The following ATG7 variants were observed in gnomAD, a reference collection of about 807,000 sequenced individuals.
ATG7 encodes autophagy related 7.
In ATG7, 70 loss-of-function variants were observed where a neutral mutation model predicts 82.4. That is an observed-to-expected ratio of 0.85 (90% CI 0.70 to 1.04). ATG7 has a LOEUF of 1.04. Among genes scored for constraint, ATG7 ranks in the 50% least tolerant of loss-of-function variants. The probability of loss-of-function intolerance (pLI) is 0.00; values close to 1 mark genes in which losing one functional copy is unlikely to be tolerated. For synonymous variants in ATG7, 287 were observed against 313.0 expected, an observed-to-expected ratio of 0.92 and a Z score of 0.88; for missense variants, 792 against 864.3, an observed-to-expected ratio of 0.92 and a Z score of 1.05.
intron 20 of ATG7, among the ~76,000 whole-genome samples, chr3:11,527,069 G>GTATATATATATATA (rs1347586691): frequency 5.1e-5 from 6 of 118,226 alleles, no homozygotes; most frequent in Non-Finnish European, 6.7e-5. Flanking sequence ...GTGTGTGTGT[G>GTATATATATATATA]TGTATATATA....
At chr3:11,278,544 A>G (rs1942385922) in intron 1 of ATG7, among the ~76,000 whole-genome samples, 1 of 152,254 alleles carries the variant, frequency 6.6e-6, no homozygotes, top group Admixed American at 6.5e-5. Flanking sequence ...GTCATCAACA[A>G]GTATTTATTG....
At chr3:11,482,320 C>T (rs1166694370) in intron 20 of ATG7, among the ~76,000 whole-genome samples, 1 of 152,226 alleles carries the variant, frequency 6.6e-6, no homozygotes, top group Admixed American at 6.5e-5. Context: ...CCCATGTCCT[C>T]ACCATCTTAC....
intron 19 of ATG7, among the ~76,000 whole-genome samples, chr3:11,409,746 T>C (rs1044238566): frequency 2.7e-4 from 41 of 151,176 alleles, no homozygotes; most frequent in African/African-American, 1.0e-3. Context: ...TTATTTTTTG[T>C]GATGGGGTGT....
At chr3:11,546,413 C>A (rs528409103) in intron 20 of ATG7, among the ~76,000 whole-genome samples, 1 of 152,262 alleles carries the variant, frequency 6.6e-6, no homozygotes, top group South Asian at 2.1e-4. Flanking sequence ...CTCAGGTGAT[C>A]CGCCTGACTT....
At chr3:11,521,585 CT>C (rs2124919361) in intron 20 of ATG7, among the ~76,000 whole-genome samples, 1 of 149,520 alleles carries the variant, frequency 6.7e-6, no homozygotes, top group African/African-American at 2.5e-5. Flanking sequence ...CGGAGTCTCG[CT>C]CTGTCACCCA....
chr3:11,513,884 G>T (rs1163818800), intron 20 of ATG7, among the ~76,000 whole-genome samples: 5 of 152,238 alleles, frequency 3.3e-5, no homozygotes, highest in Non-Finnish European at 5.9e-5. Flanking sequence ...AACATCTACT[G>T]TGTACCAGGC....
chr3:11,512,067 G>C (rs1017330736), intron 20 of ATG7, among the ~76,000 whole-genome samples: 16 of 152,214 alleles, frequency 1.1e-4, no homozygotes, highest in Admixed American at 9.8e-4. Context: ...GGGCTGAAGG[G>C]CTCCTCAAAT....
intron 13 of ATG7, among the ~76,000 whole-genome samples, chr3:11,342,604 T>A (rs1953830759): frequency 6.6e-6 from 1 of 152,208 alleles, no homozygotes; most frequent in African/African-American, 2.4e-5. Context: ...TTTATTTGTA[T>A]TTATAAAGAT....
At chr3:11,375,556 AT>A (rs34787010) in intron 18 of ATG7, among the ~76,000 whole-genome samples, 77,101 of 151,714 alleles carry the variant, frequency 0.51, 20,535 homozygotes, top group East Asian at 0.69. Flanking sequence ...TGCTAGTGAG[AT>A]TTTTTTTTCC....
chr3:11,436,450 A>C (rs2083377136), intron 20 of ATG7, among the ~76,000 whole-genome samples: 1 of 152,204 alleles, frequency 6.6e-6, no homozygotes, highest in Non-Finnish European at 1.5e-5. Flanking sequence ...CATGTGACCC[A>C]GGGATTGTAC....
chr3:11,298,557 T>A, intron 3 of ATG7, 129 bp from the exon 4 acceptor site: 1 of 851,608 alleles, frequency 1.2e-6, no homozygotes. Flanking sequence ...AGAAGTTGTG[T>A]TTCAAGGTAG....
chr3:11,314,148 C>T (rs1216587355), intron 8 of ATG7, among the ~76,000 whole-genome samples: 2 of 152,176 alleles, frequency 1.3e-5, no homozygotes, highest in Admixed American at 6.5e-5. Flanking sequence ...CTACCTGGAG[C>T]AGTACATGCA....
At chr3:11,370,619 G>T (rs1416502125) in intron 18 of ATG7, among the ~76,000 whole-genome samples, 2 of 151,170 alleles carry the variant, frequency 1.3e-5, no homozygotes, top group Admixed American at 1.3e-4. Flanking sequence ...TCTCAGAATG[G>T]CTGTTTGTTG....
chr3:11,358,330 TAA>T, intron 14 of ATG7, 86 bp from the exon 15 acceptor site: 1 of 1,329,328 alleles, frequency 7.5e-7, no homozygotes, highest in East Asian at 2.3e-5. Flanking sequence ...TGAACACAAG[TAA>T]GTGCAGGCAG....
intron 20 of ATG7, among the ~76,000 whole-genome samples, chr3:11,454,586 G>A (rs1027011964): frequency 3.3e-5 from 5 of 152,154 alleles, no homozygotes; most frequent in African/African-American, 9.7e-5. Flanking sequence ...AGGCTTCCCT[G>A]AAGGTACCAT....
chr3:11,369,046 C>G (rs555844258), intron 18 of ATG7, among the ~76,000 whole-genome samples: 4 of 150,954 alleles, frequency 2.6e-5, no homozygotes, highest in African/African-American at 9.8e-5. Flanking sequence ...TGGGAAAACT[C>G]TAATTGAGTC....
At chr3:11,467,883 A>T (rs1307090976) in intron 20 of ATG7, among the ~76,000 whole-genome samples, 1 of 152,156 alleles carries the variant, frequency 6.6e-6, no homozygotes, top group Non-Finnish European at 1.5e-5. Flanking sequence ...TTTACCTTTG[A>T]ATTTTTTTGC....
rs1559836733 is a variant in ATG7 at position 11,555,046 on chromosome 3, A to C, written c.*203A>C. 1.6e-6 allele frequency: 1 copy of C among 615,094 alleles called. No homozygotes were observed. Among genetic ancestry groups the C allele is most frequent in the Non-Finnish European group, 2.7e-6 (1 of 366,784 alleles). 38.1% of individuals were successfully genotyped at this position (615,094 alleles called of 1,614,324 possible). ...CAAGATACCACCAGTTCAGAGCTAA[A>C]TAATAACCTTGGCCTTGGCCTTGCT... On this transcript the variant is annotated 3_prime_UTR_variant, in exon 21 of 21. Transcript: ENST00000693202.
At chr3:11,542,871 G>C (rs1213290237) in intron 20 of ATG7, among the ~76,000 whole-genome samples, 1 of 152,204 alleles carries the variant, frequency 6.6e-6, no homozygotes, top group Non-Finnish European at 1.5e-5. Context: ...CTGGGTCTAG[G>C]TTCTGAGGCA....
Sources: allele counts gnomAD v4.1 joint callset (sites outside exome capture counted in the v4.1 genomes callset), GRCh38; gene constraint gnomAD v4.1.1; transcripts MANE v1.5; gene names NCBI Gene and HGNC (gene_info 2026-07-23, HGNC 2026-07-21).